Variants in IQSEC1 observed in about 807,000 individuals in gnomAD.
IQSEC1 encodes IQ motif and SEC7 domain-containing protein 1.
Under a neutral mutation model 91.0 loss-of-function variants are expected in IQSEC1, and 31 were observed. The observed-to-expected ratio is 0.34, with a 90% CI of 0.26 to 0.46. The LOEUF (loss-of-function observed/expected upper bound fraction) is 0.46. Among genes scored for constraint, IQSEC1 ranks in the 20% least tolerant of loss-of-function variants. The pLI is 1.00. For missense variants in IQSEC1, 1,388 were observed against 1,575.6 expected (o/e 0.88, Z 2.02); for synonymous variants, 699 against 662.6 (o/e 1.05, Z -0.84).
intron 1 of IQSEC1, among the ~76,000 whole-genome samples, chr3:13,168,172 T>C (rs1693533692): frequency 6.6e-6 from 1 of 152,194 alleles, no homozygotes; most frequent in African/African-American, 2.4e-5. Context: ...TAGCTCAAAC[T>C]AGAAAGAGCA....
chr3:13,088,579 C>T (rs1476738417), intron 2 of IQSEC1, among the ~76,000 whole-genome samples: 2 of 152,146 alleles, frequency 1.3e-5, no homozygotes, highest in Non-Finnish European at 2.9e-5. Flanking sequence ...CTCAGCCAGA[C>T]CAATCCTTTG....
chr3:13,219,701 G>T (rs1177891483), intron 1 of IQSEC1, among the ~76,000 whole-genome samples: 1 of 152,244 alleles, frequency 6.6e-6, no homozygotes, highest in African/African-American at 2.4e-5. Context: ...GCCAGTGCTG[G>T]CCCAAGGCCC....
intron 1 of IQSEC1, among the ~76,000 whole-genome samples, chr3:13,234,486 AC>A (rs764333070): frequency 5.3e-5 from 8 of 151,810 alleles, no homozygotes; most frequent in East Asian, 3.9e-4. Context: ...CCCCTGGGAG[AC>A]CCCCTCCCTT....
intron 1 of IQSEC1, among the ~76,000 whole-genome samples, chr3:13,279,652 C>T (rs557105644): frequency 3.9e-5 from 6 of 152,314 alleles, no homozygotes; most frequent in East Asian, 1.9e-4. Context: ...GTCTGTGTGG[C>T]GGGCTGGGGG....
At chr3:13,212,528 C>T (rs372348171) in intron 1 of IQSEC1, among the ~76,000 whole-genome samples, 2 of 152,314 alleles carry the variant, frequency 1.3e-5, no homozygotes, top group South Asian at 2.1e-4. Flanking sequence ...TGGGTAGAGG[C>T]CCTGGAGTGG....
At chr3:13,176,337 G>A (rs900607211) in intron 1 of IQSEC1, among the ~76,000 whole-genome samples, 3 of 152,122 alleles carry the variant, frequency 2.0e-5, no homozygotes, top group South Asian at 4.1e-4. Flanking sequence ...GACGGTTCGG[G>A]GGTCTTTAGT....
intron 1 of IQSEC1, among the ~76,000 whole-genome samples, chr3:13,210,780 C>T (rs559780645): frequency 5.3e-5 from 8 of 152,232 alleles, no homozygotes; most frequent in African/African-American, 1.9e-4. Context: ...CTCCCTGTGC[C>T]CACCCTGATG....
In IQSEC1 at chr3:12,901,392, T is replaced by G. The variant is rs1232032835; in HGVS notation, c.2936A>C (p.Lys979Thr). ...GGGCAGGTGGGCCTGGGGAGGGGGC[T>G]TCCCTCTCTTGCTCCCGAATAAGGA... is the stretch of plus-strand genomic sequence containing the variant. The part of the protein sequence containing the change: ...LGSLFGSKRG[K>T]PPPQAHLPSA... Residue 979 changes from lysine (K) to threonine (T), a missense_variant, in exon 14 of 14, where the codon AAG becomes ACG. Transcript: ENST00000613206. The G allele has an allele frequency of 6.5e-7, 1 of 1,542,714 alleles. No homozygotes were observed. The highest frequency in any genetic ancestry group is 2.0e-5 in the Admixed American group (1 of 50,926).
chr3:12,996,998 C>T (rs1458552577), intron 1 of IQSEC1, among the ~76,000 whole-genome samples: 1 of 152,206 alleles, frequency 6.6e-6, no homozygotes, highest in African/African-American at 2.4e-5. Flanking sequence ...GAAGCTACTA[C>T]AGCATGCTAA....
intron 2 of IQSEC1, among the ~76,000 whole-genome samples, chr3:13,125,077 C>T (rs895816447): frequency 9.2e-5 from 14 of 152,308 alleles, no homozygotes; most frequent in African/African-American, 2.2e-4. Context: ...TGCAGCAGTG[C>T]GCAGCTCCCC....
chr3:13,041,668 C>G (rs987400793), intron 1 of IQSEC1, among the ~76,000 whole-genome samples: 1 of 152,178 alleles, frequency 6.6e-6, no homozygotes, highest in African/African-American at 2.4e-5. Flanking sequence ...AAGAACCTGC[C>G]GGAGGTATGA....
intron 1 of IQSEC1, among the ~76,000 whole-genome samples, chr3:13,196,728 G>A (rs942663734): frequency 1.5e-4 from 22 of 150,230 alleles, no homozygotes; most frequent in African/African-American, 3.7e-4. Flanking sequence ...ATGCGCGTGC[G>A]TGTGTATGTA....
chr3:13,109,185 G>A (rs1706200520), intron 2 of IQSEC1, among the ~76,000 whole-genome samples: 1 of 152,238 alleles, frequency 6.6e-6, no homozygotes, highest in South Asian at 2.1e-4. Flanking sequence ...CATGGTGAAG[G>A]TGGAGGCTGT....
intron 1 of IQSEC1, among the ~76,000 whole-genome samples, chr3:12,988,654 GATGACGACA>G (rs1701852060): frequency 6.6e-6 from 1 of 152,154 alleles, no homozygotes; most frequent in Non-Finnish European, 1.5e-5. Flanking sequence ...ACAAAGTCAG[GATGACGACA>G]ATCTCTGAGG....
Position 12,935,033 on chromosome 3 carries a change from C to T in IQSEC1, c.1568+415G>A, listed in dbSNP as rs1408256903. Among the ~76,000 whole-genome samples, 1 of 151,728 alleles carries T rather than the reference C, an allele frequency of 6.6e-6. No individual in the cohort carries two copies. The highest frequency in any genetic ancestry group is 2.4e-5 in the African/African-American group (1 of 41,232). On this transcript the variant is annotated intron_variant, in intron 3 of 13. Coordinates refer to ENST00000613206, the MANE Select transcript of IQSEC1 (RefSeq NM_001134382.3). This position sits in a 1 kb window ranked among gnomAD's most constrained non-coding sequence, Gnocchi z 8.0. ...GGGTCTCGCCTGTCTGCCCCTGCCCCCCACTGACACAACCGGTCATACCCC... is the reference window on the plus strand; with the variant it reads ...GGGTCTCGCCTGTCTGCCCCTGCCCTCCACTGACACAACCGGTCATACCCC...
chr3:12,942,753 A>C (rs1575996121), intron 1 of IQSEC1, among the ~76,000 whole-genome samples: 3 of 152,188 alleles, frequency 2.0e-5, no homozygotes, highest in African/African-American at 7.2e-5. Flanking sequence ...TCAGCACGGG[A>C]CTGTGTTTTG....
chr3:13,152,910 G>A (rs1373981894), intron 2 of IQSEC1, among the ~76,000 whole-genome samples: 3 of 152,080 alleles, frequency 2.0e-5, no homozygotes, highest in Non-Finnish European at 4.4e-5. Flanking sequence ...AAAAAAAAGT[G>A]TTCTTGGTTC....
intron 1 of IQSEC1, among the ~76,000 whole-genome samples, chr3:13,248,349 G>C (rs767042087): frequency 6.6e-6 from 1 of 152,202 alleles, no homozygotes; most frequent in Non-Finnish European, 1.5e-5. Context: ...GGATCCCCGA[G>C]CTCTGGACTT....
intron 2 of IQSEC1, among the ~76,000 whole-genome samples, chr3:13,081,118 A>AT (rs1576241131): frequency 6.6e-6 from 1 of 152,372 alleles, no homozygotes; most frequent in East Asian, 1.9e-4. Flanking sequence ...AGCAGCTTAT[A>AT]TAAGTGCATA....
Sources: allele counts gnomAD v4.1 joint callset (sites outside exome capture counted in the v4.1 genomes callset), GRCh38; gene constraint gnomAD v4.1.1; non-coding constraint Gnocchi (gnomAD v3.1); transcripts MANE v1.5; gene names NCBI Gene and HGNC (gene_info 2026-07-23, HGNC 2026-07-21).